The following ZDHHC11B variants were observed in gnomAD, a reference collection of about 807,000 sequenced individuals.
The protein encoded by ZDHHC11B is probable palmitoyltransferase ZDHHC11B.
Under a neutral mutation model 42.3 loss-of-function variants are expected in ZDHHC11B, and 17 were observed. The ratio of observed to expected loss-of-function variants is 0.40; its 90% CI spans 0.27 to 0.60. The LOEUF (loss-of-function observed/expected upper bound fraction) is 0.60, where lower values mean the gene tolerates loss of function less well. ZDHHC11B is among the 20% of genes least tolerant of loss of function. ZDHHC11B has a pLI of 0.41. For synonymous variants in ZDHHC11B, 123 were observed against 193.5 expected (o/e 0.64, Z 3.02); for missense variants, 262 against 463.2 (o/e 0.57, Z 3.99).
chr5:730,995 T>C (rs1742980478), intron 11 of ZDHHC11B, among the ~76,000 whole-genome samples: 4 of 151,974 alleles, frequency 2.6e-5, no homozygotes, highest in Admixed American at 2.6e-4. Flanking sequence ...CAACGCCCCA[T>C]GTGTGGTTCC....
At chr5:713,773 C>A (rs1172903441) in intron 13 of ZDHHC11B, among the ~76,000 whole-genome samples, 3 of 151,954 alleles carry the variant, frequency 2.0e-5, no homozygotes, top group Admixed American at 2.0e-4. Context: ...CTGATCCCCC[C>A]TGATTCCTTT....
intron 1 of ZDHHC11B, among the ~76,000 whole-genome samples, chr5:769,836 G>A (rs1291108312): frequency 6.6e-6 from 1 of 151,966 alleles, no homozygotes; most frequent in Non-Finnish European, 1.5e-5. Flanking sequence ...TGAAGACTGA[G>A]CTCGGGATGT....
chr5:760,508 A>G (rs1364856778), intron 4 of ZDHHC11B, among the ~76,000 whole-genome samples: 1 of 151,534 alleles, frequency 6.6e-6, no homozygotes, highest in African/African-American at 2.4e-5. Context: ...CGGGCCCCAG[A>G]ACTGTGAGAC....
rs572181378 is a variant in ZDHHC11B, at chr5:746,192, C to G, written c.785-894G>C. 8.2e-4 allele frequency among the ~76,000 whole-genome samples: 121 copies of G among 147,416 alleles called. 7 individuals are homozygous for G. Among genetic ancestry groups the G allele is most frequent in the African/African-American group, 2.8e-3 (114 of 40,648 alleles). On this transcript the variant is annotated intron_variant, in intron 8 of 13. Transcript: ENST00000508859. ...CTCTCCATGCTTCTTTCCCTAAACACCAACACCGTGAGAGCCGATGTCTTG... is the reference window on the plus strand; with the variant it reads ...CTCTCCATGCTTCTTTCCCTAAACAGCAACACCGTGAGAGCCGATGTCTTG...
intron 4 of ZDHHC11B, among the ~76,000 whole-genome samples, chr5:757,834 G>T (rs1360881889): frequency 6.6e-6 from 1 of 151,850 alleles, no homozygotes; most frequent in African/African-American, 2.4e-5. Flanking sequence ...GGGTGTGGTG[G>T]GAGCTAGGCA....
At chr5:767,318 G>T in intron 3 of ZDHHC11B, 74 bp downstream of exon 3, 1 of 1,503,416 alleles carries the variant, frequency 6.7e-7, no homozygotes, top group Non-Finnish European at 9.1e-7. Flanking sequence ...ACACACATGT[G>T]GGGCTCCGGG....
At chr5:728,196 A>T (rs977822418) in intron 12 of ZDHHC11B, among the ~76,000 whole-genome samples, 1 of 151,984 alleles carries the variant, frequency 6.6e-6, no homozygotes, top group South Asian at 2.1e-4. Context: ...GAAAATGCAC[A>T]TTGAAACAAT....
rs75404888 is a variant in ZDHHC11B at position 775,885 on chromosome 5, C to T, written c.-229-6955G>A. On this transcript the variant is annotated intron_variant, in intron 1 of 13. Coordinates refer to ENST00000508859, the MANE Select transcript of ZDHHC11B (RefSeq NM_001351303.2). ...CAGGTTGGAGGGGTGGGGGCCGAGG[C>T]GCTCAGCAGTATTCAGGCATCTCTC... Among the ~76,000 whole-genome samples, 561 of 147,352 alleles carry T rather than the reference C, an allele frequency of 3.8e-3. 10 individuals carry two copies. Among genetic ancestry groups the T allele is most frequent in the African/African-American group, 0.013 (513 of 39,360 alleles).
At chr5:777,257 C>A (rs1396043283) in intron 1 of ZDHHC11B, among the ~76,000 whole-genome samples, 2 of 151,858 alleles carry the variant, frequency 1.3e-5, no homozygotes, top group Non-Finnish European at 2.9e-5. Context: ...GGTGACGCCT[C>A]TGGAGTCATT....
chr5:722,851 T>G (rs1222212136), intron 12 of ZDHHC11B, among the ~76,000 whole-genome samples: 1 of 151,464 alleles, frequency 6.6e-6, no homozygotes, highest in Non-Finnish European at 1.5e-5. Flanking sequence ...GGACAGACCT[T>G]GGCAATTTAG....
At chr5:759,963 G>A (rs1432870693) in intron 4 of ZDHHC11B, among the ~76,000 whole-genome samples, 6 of 151,898 alleles carry the variant, frequency 4.0e-5, no homozygotes, top group Non-Finnish European at 8.8e-5. Flanking sequence ...GAGTGCAGCC[G>A]GGGATGCCGT....
chr5:748,876 G>A lies in ZDHHC11B; in HGVS notation c.629-317C>T, dbSNP rs140461059. Among the ~76,000 whole-genome samples, 838 of 121,824 alleles carry A rather than the reference G, an allele frequency of 6.9e-3. 62 individuals carry two copies. The highest frequency in any genetic ancestry group is 0.022 in the African/African-American group (766 of 34,500). The allele number at this position is 121,824 out of a possible 152,430, so 79.9% of individuals were successfully genotyped here. ...GCCCACCTCTTCCTCACTAAGTGCC[G>A]GGGTCACAGTGCCCACCCCTTCCTA... is the stretch of plus-strand genomic sequence containing the variant. On this transcript the variant is annotated intron_variant, in intron 7 of 13. Transcript: ENST00000508859.
intron 1 of ZDHHC11B, among the ~76,000 whole-genome samples, chr5:770,839 G>A (rs545289907): frequency 2.3e-4 from 35 of 152,026 alleles, no homozygotes; most frequent in East Asian, 1.7e-3. Flanking sequence ...TTGGTAAGGC[G>A]CCCGCCCCCA....
intron 10 of ZDHHC11B, among the ~76,000 whole-genome samples, chr5:736,380 C>A (rs2127020070): frequency 6.7e-6 from 1 of 149,836 alleles, no homozygotes; most frequent in South Asian, 2.2e-4. Context: ...GTGACGGACA[C>A]AATACTGCAC....
intron 11 of ZDHHC11B, 92 bp downstream of exon 11, chr5:733,660 A>C (rs1368920083): frequency 8.7e-7 from 1 of 1,146,784 alleles, no homozygotes. Context: ...TCTATTCTGA[A>C]TACTGCCTTA....
At chr5:762,809 A>AG (rs1476776653) in intron 4 of ZDHHC11B, among the ~76,000 whole-genome samples, 3 of 116,984 alleles carry the variant, frequency 2.6e-5, no homozygotes, top group African/African-American at 6.4e-5. Context: ...AAATAAAAGC[A>AG]GAATTTTTTT....
At chr5:777,439 G>A (rs540219092) in intron 1 of ZDHHC11B, among the ~76,000 whole-genome samples, 2 of 148,960 alleles carry the variant, frequency 1.3e-5, no homozygotes, top group South Asian at 2.2e-4. Flanking sequence ...AGACCTCCCT[G>A]GTGAGTGCTA....
At chr5:735,909 T>TA (rs1743461505) in intron 10 of ZDHHC11B, among the ~76,000 whole-genome samples, 1 of 147,736 alleles carries the variant, frequency 6.8e-6, no homozygotes, top group Non-Finnish European at 1.5e-5. Context: ...TAACACAAAT[T>TA]AAAAAACCAA....
At chr5:771,815 T>C (rs1579449398) in intron 1 of ZDHHC11B, among the ~76,000 whole-genome samples, 1 of 146,896 alleles carries the variant, frequency 6.8e-6, no homozygotes, top group South Asian at 2.3e-4. Context: ...TGTGGTCTCA[T>C]CTCCTGTGGG....
Sources: allele counts gnomAD v4.1 joint callset (sites outside exome capture counted in the v4.1 genomes callset), GRCh38; gene constraint gnomAD v4.1.1; transcripts MANE v1.5; gene names NCBI Gene and HGNC (gene_info 2026-07-23, HGNC 2026-07-21).